Variants in PRKN observed in about 807,000 individuals in gnomAD.
PRKN encodes the protein E3 ubiquitin-protein ligase parkin.
PRKN carries 56 observed loss-of-function variants against 59.5 expected under a neutral mutation model. The observed-to-expected ratio is 0.94, with a 90% CI of 0.76 to 1.18. The LOEUF (loss-of-function observed/expected upper bound fraction) is 1.18. Among genes scored for constraint, PRKN ranks in the 50% most tolerant of loss-of-function variants. PRKN has a pLI of 0.00. For missense variants in PRKN, 657 were observed against 596.4 expected (o/e 1.10, Z -1.06); for synonymous variants, 250 against 222.1 (o/e 1.13, Z -1.12).
At chr6:162,344,877 G>A (rs1030280415) in intron 2 of PRKN, among the ~76,000 whole-genome samples, 4 of 152,314 alleles carry the variant, frequency 2.6e-5, no homozygotes, top group South Asian at 2.1e-4. Flanking sequence ...TTGCTCAAAC[G>A]TGATAGGCAG....
chr6:162,608,585 G>A (rs533981470), intron 1 of PRKN, among the ~76,000 whole-genome samples: 3 of 152,272 alleles, frequency 2.0e-5, no homozygotes, highest in Non-Finnish European at 4.4e-5. Flanking sequence ...AAAGGTTAAA[G>A]GACAAATAGT....
intron 9 of PRKN, among the ~76,000 whole-genome samples, chr6:161,406,175 TACATACATATATAC>T (rs1195227652): frequency 1.3e-5 from 2 of 150,992 alleles, no homozygotes; most frequent in Admixed American, 6.6e-5. Flanking sequence ...CACATATATA[TACATACATATATAC>T]ACACATATAT....
intron 6 of PRKN, among the ~76,000 whole-genome samples, chr6:161,799,080 T>G (rs1389519406): frequency 6.6e-6 from 1 of 152,228 alleles, no homozygotes; most frequent in East Asian, 1.9e-4. Context: ...TACATATTAC[T>G]CGTGGCTGCT....
chr6:161,727,755 T>G (rs1033992240), intron 7 of PRKN, among the ~76,000 whole-genome samples: 2 of 152,178 alleles, frequency 1.3e-5, no homozygotes, highest in African/African-American at 4.8e-5. Flanking sequence ...GACTTCATGA[T>G]GTCAATAAAG....
At chr6:161,755,376 A>G (rs1788872217) in intron 7 of PRKN, among the ~76,000 whole-genome samples, 1 of 152,092 alleles carries the variant, frequency 6.6e-6, no homozygotes, top group Admixed American at 6.5e-5. Flanking sequence ...AGTAAACATC[A>G]TCACTCCCAG....
chr6:162,574,836 T>A (rs1369205441), intron 1 of PRKN, among the ~76,000 whole-genome samples: 1 of 151,804 alleles, frequency 6.6e-6, no homozygotes, highest in Non-Finnish European at 1.5e-5. Context: ...CTTGCTTGAT[T>A]CCAGTGAGGT....
At chr6:162,152,661 C>T (rs1322687297) in intron 4 of PRKN, among the ~76,000 whole-genome samples, 1 of 152,130 alleles carries the variant, frequency 6.6e-6, no homozygotes, top group East Asian at 1.9e-4. Context: ...AGAAGAATAA[C>T]AAGGTGACGG....
intron 5 of PRKN, among the ~76,000 whole-genome samples, chr6:162,030,379 A>C (rs1308825084): frequency 6.6e-6 from 1 of 152,212 alleles, no homozygotes; most frequent in East Asian, 1.9e-4. Flanking sequence ...GAAAGATCTC[A>C]GAAACTGTCA....
At chr6:162,612,952 T>G (rs190156964) in intron 1 of PRKN, among the ~76,000 whole-genome samples, 79 of 152,292 alleles carry the variant, frequency 5.2e-4, no homozygotes, top group African/African-American at 1.8e-3. Flanking sequence ...AGTAAAATGT[T>G]TAAAATTTCC....
At chr6:162,232,567 C>T (rs886479089) in intron 3 of PRKN, among the ~76,000 whole-genome samples, 3 of 152,106 alleles carry the variant, frequency 2.0e-5, no homozygotes, top group Non-Finnish European at 4.4e-5. Flanking sequence ...ATGGAGCAGC[C>T]GCTTGGTATG....
At chr6:161,601,065 C>A (rs984191244) in intron 7 of PRKN, among the ~76,000 whole-genome samples, 1 of 152,156 alleles carries the variant, frequency 6.6e-6, no homozygotes, top group Admixed American at 6.5e-5. Flanking sequence ...CTATATGAAT[C>A]TTTTCTAAAT....
At chr6:162,593,449 T>C (rs528703758) in intron 1 of PRKN, among the ~76,000 whole-genome samples, 44 of 152,218 alleles carry the variant, frequency 2.9e-4, no homozygotes, top group Non-Finnish European at 5.9e-4. Context: ...ATCAAACTTA[T>C]AAACTTTATT....
At chr6:161,834,709 C>T (rs1245052224) in intron 6 of PRKN, among the ~76,000 whole-genome samples, 1 of 152,208 alleles carries the variant, frequency 6.6e-6, no homozygotes, top group Non-Finnish European at 1.5e-5. Context: ...ATGATATCCA[C>T]AGGCAGAACA....
At chr6:162,725,423 C>T (rs933885686) in intron 1 of PRKN, among the ~76,000 whole-genome samples, 2 of 152,126 alleles carry the variant, frequency 1.3e-5, no homozygotes, top group African/African-American at 2.4e-5. Flanking sequence ...GCACTGTTCA[C>T]GACACCCAAA....
At chr6:161,565,302 C>A (rs1425995984) in intron 8 of PRKN, among the ~76,000 whole-genome samples, 2 of 152,124 alleles carry the variant, frequency 1.3e-5, no homozygotes, top group Admixed American at 1.3e-4. Context: ...TGACCTCACT[C>A]CAAATTCAAC....
Position 161,550,731 on chromosome 6 carries a change from G to T in PRKN, c.934-1728C>A, listed in dbSNP as rs1479388987. On this transcript the variant is annotated intron_variant, in intron 8 of 11. Coordinates refer to ENST00000366898, the MANE Select transcript of PRKN (RefSeq NM_004562.3). The surrounding 1 kb of genome is among the most constrained non-coding windows in gnomAD (Gnocchi z 4.0). The stretch of plus-strand genomic sequence containing the variant: ...GTGGTAGAAGAAAGGGTATGTGTGT[G>T]TGTGCACGTGTGTGTGTGTGTGTGT... Among the ~76,000 whole-genome samples the T allele has an allele frequency of 1.7e-5, 2 of 115,778 alleles. No homozygotes were observed. Among genetic ancestry groups the T allele is most frequent in the African/African-American group, 3.4e-5 (1 of 29,006 alleles). 76.0% of individuals were successfully genotyped at this position (115,778 alleles called of 152,430 possible). A position where few individuals can be genotyped will look rare whatever the true frequency, so the allele number is the denominator to read the frequency against.
chr6:162,357,314 G>T (rs2179047), intron 2 of PRKN, among the ~76,000 whole-genome samples: 4,810 of 152,156 alleles, frequency 0.032, 173 homozygotes, highest in East Asian at 0.11. Flanking sequence ...ATGGTCAAAA[G>T]AGTTAAGCAG....
rs757404162 is a variant in PRKN at position 161,975,149 on chromosome 6, G to A, written c.619-1732C>T. ...CTTCCAGGCTGGAGTGCAGTGGCGCGATCTCAGCTCACTGCAAACTCTGCC... is the reference window on the plus strand; with the variant it reads ...CTTCCAGGCTGGAGTGCAGTGGCGCAATCTCAGCTCACTGCAAACTCTGCC... On this transcript the variant is annotated intron_variant, in intron 5 of 11. Transcript: ENST00000366898. Among the ~76,000 whole-genome samples the A allele has an allele frequency of 3.1e-4, 45 of 146,106 alleles. 1 individual carries two copies. Among genetic ancestry groups the A allele is most frequent in the Non-Finnish European group, 5.8e-4 (39 of 67,408 alleles).
chr6:162,072,231 T>C (rs1281116716), intron 4 of PRKN, among the ~76,000 whole-genome samples: 1 of 151,998 alleles, frequency 6.6e-6, no homozygotes, highest in East Asian at 1.9e-4. Context: ...GAGGTTGCAG[T>C]GACCCAAGAT....
Sources: allele counts gnomAD v4.1 joint callset (sites outside exome capture counted in the v4.1 genomes callset), GRCh38; gene constraint gnomAD v4.1.1; non-coding constraint Gnocchi (gnomAD v3.1); transcripts MANE v1.5; gene names NCBI Gene and HGNC (gene_info 2026-07-23, HGNC 2026-07-21).